SCAI: variants seen among roughly 807,000 people sequenced by gnomAD.
SCAI encodes suppressor of cancer cell invasion.
SCAI carries 24 observed loss-of-function variants against 92.2 expected under a neutral mutation model. That is an observed-to-expected ratio of 0.26 (90% CI 0.19 to 0.37). The LOEUF (loss-of-function observed/expected upper bound fraction) is 0.37, where lower values mean the gene tolerates loss of function less well. Among genes scored for constraint, SCAI ranks in the 10% least tolerant of loss-of-function variants. The pLI is 1.00. For missense variants in SCAI, 450 were observed against 736.2 expected, an observed-to-expected ratio of 0.61 and a Z score of 4.50; for synonymous variants, 261 against 258.6, an observed-to-expected ratio of 1.01 and a Z score of -0.09.
At chr9:124,998,532 A>C (rs1832292490) in intron 13 of SCAI, among the ~76,000 whole-genome samples, 1 of 152,258 alleles carries the variant, frequency 6.6e-6, no homozygotes, top group Non-Finnish European at 1.5e-5. Flanking sequence ...AGATTGTTAA[A>C]GATTAAAAAA....
intron 2 of SCAI, among the ~76,000 whole-genome samples, chr9:125,088,449 C>A (rs1421488833): frequency 6.6e-6 from 1 of 152,136 alleles, no homozygotes; most frequent in African/African-American, 2.4e-5. Context: ...TCTCTTCCTC[C>A]TTCTCCAGCC....
chr9:125,069,379 G>A (rs1833933393), intron 2 of SCAI, among the ~76,000 whole-genome samples: 3 of 148,716 alleles, frequency 2.0e-5, no homozygotes, highest in South Asian at 2.2e-4. Flanking sequence ...GTCCAGTGGC[G>A]TGATCTTGGC....
intron 14 of SCAI, among the ~76,000 whole-genome samples, chr9:124,987,273 C>T (rs1413712855): frequency 3.3e-5 from 5 of 152,174 alleles, no homozygotes; most frequent in Non-Finnish European, 5.9e-5. Flanking sequence ...CCGCCTGCCT[C>T]GGCCTCCCAA....
At chr9:124,963,614 G>A (rs1364475459) in intron 17 of SCAI, among the ~76,000 whole-genome samples, 1 of 151,698 alleles carries the variant, frequency 6.6e-6, no homozygotes, top group Admixed American at 6.6e-5. Flanking sequence ...GGCGGGCATG[G>A]TGGAACATGC....
At chr9:125,006,789 C>T (rs973036864) in intron 9 of SCAI, among the ~76,000 whole-genome samples, 3 of 152,090 alleles carry the variant, frequency 2.0e-5, no homozygotes, top group Admixed American at 6.5e-5. Flanking sequence ...TGCACCTGAC[C>T]TATACTTTTA....
At chr9:125,010,146 C>G (rs113469003) in intron 9 of SCAI, among the ~76,000 whole-genome samples, 1 of 152,168 alleles carries the variant, frequency 6.6e-6, no homozygotes, top group African/African-American at 2.4e-5. Context: ...TCTGAGGTAC[C>G]GGGTTCATCT....
chr9:125,054,053 A>C (rs1833616001), intron 3 of SCAI, among the ~76,000 whole-genome samples: 1 of 152,104 alleles, frequency 6.6e-6, no homozygotes, highest in Non-Finnish European at 1.5e-5. Flanking sequence ...CAGTTCACTG[A>C]AGCCTCGATC....
At chr9:125,107,083 G>A (rs545611531) in intron 2 of SCAI, among the ~76,000 whole-genome samples, 2 of 151,868 alleles carry the variant, frequency 1.3e-5, no homozygotes, top group East Asian at 3.9e-4. Flanking sequence ...TAGGTTTCAA[G>A]AAATGAAAAC....
intron 2 of SCAI, among the ~76,000 whole-genome samples, chr9:125,069,657 C>A (rs1287190346): frequency 2.5e-5 from 3 of 119,192 alleles, no homozygotes; most frequent in Non-Finnish European, 4.9e-5. Context: ...TCGTCTTGCT[C>A]TTGTCACCAA....
intron 2 of SCAI, among the ~76,000 whole-genome samples, chr9:125,141,947 G>A (rs2131280429): frequency 1.3e-5 from 2 of 152,220 alleles, no homozygotes; most frequent in South Asian, 4.1e-4. Flanking sequence ...TTTTGAGGCA[G>A]GGTCTTGCTG....
At chr9:125,084,612 A>C (rs940689089) in intron 2 of SCAI, among the ~76,000 whole-genome samples, 1 of 152,150 alleles carries the variant, frequency 6.6e-6, no homozygotes, top group African/African-American at 2.4e-5. Flanking sequence ...TGGTTCCCCT[A>C]GAGGGGCGGC....
rs1564374471 is a variant in SCAI at position 125,004,750 on chromosome 9, TATATATATATATATATA to T, written c.862-1197_862-1181del. 7.8e-3 allele frequency among the ~76,000 whole-genome samples: 116 copies of T among 14,942 alleles called. 4 individuals carry two copies. The highest frequency in any genetic ancestry group is 0.01 in the Admixed American group (10 of 984). 9.8% of individuals were successfully genotyped at this position (14,942 alleles called of 152,430 possible). ...ACTGTGATCCATATATATATATATATATATATATATATATATATATATATATATATTTTTTTTTTTTT... is the reference window on the plus strand; with the variant it reads ...ACTGTGATCCATATATATATATATATTATATATATATATTTTTTTTTTTTT... On this transcript the variant is annotated intron_variant, in intron 9 of 17. Transcript: ENST00000336505.
chr9:124,970,723 C>CTAAATAAA (rs368859826), intron 17 of SCAI, among the ~76,000 whole-genome samples: 11 of 151,958 alleles, frequency 7.2e-5, no homozygotes, highest in African/African-American at 2.7e-4. Context: ...AACTCCATCT[C>CTAAATAAA]TAAATAAATA....
intron 2 of SCAI, among the ~76,000 whole-genome samples, chr9:125,114,875 G>T (rs1835007886): frequency 6.7e-6 from 1 of 149,150 alleles, no homozygotes; most frequent in African/African-American, 2.5e-5. Context: ...CCAGGTTCAA[G>T]CAATTCTCCT....
rs550062641 is a variant in SCAI at position 125,026,359 on chromosome 9, G to T, written c.512+453C>A. On this transcript the variant is annotated intron_variant, in intron 6 of 17. Coordinates refer to ENST00000336505, the MANE Select transcript of SCAI (RefSeq NM_001144877.3). ...CGCACCACTGCACTCCAGCCTGGGCGACAGAGCAAGACTCCACCTCCAAAA... is the reference window on the plus strand; with the variant it reads ...CGCACCACTGCACTCCAGCCTGGGCTACAGAGCAAGACTCCACCTCCAAAA... Among the ~76,000 whole-genome samples, 329 of 140,988 alleles carry T rather than the reference G, an allele frequency of 2.3e-3. 1 individual carries two copies. The highest frequency in any genetic ancestry group is 4.4e-3 in the Non-Finnish European group (290 of 66,500). The allele number at this position is 140,988 out of a possible 152,430, so 92.5% of individuals were successfully genotyped here.
At chr9:124,960,699 C>T (rs562322838) in intron 17 of SCAI, among the ~76,000 whole-genome samples, 10 of 152,318 alleles carry the variant, frequency 6.6e-5, no homozygotes, top group African/African-American at 2.4e-4. Context: ...ATAGAAGGAA[C>T]AATCTGGAAT....
chr9:125,106,122 AATATATATATATAT>A lies in SCAI; in HGVS notation c.98+36497_98+36510del, dbSNP rs1206665762. Among the ~76,000 whole-genome samples the A allele has an allele frequency of 3.5e-3, 31 of 8,862 alleles. 1 individual carries two copies. Among genetic ancestry groups the A allele is most frequent in the Non-Finnish European group, 4.4e-3 (16 of 3,672 alleles). 5.8% of individuals were successfully genotyped at this position (8,862 alleles called of 152,430 possible). On this transcript the variant is annotated intron_variant, in intron 2 of 17. Coordinates refer to ENST00000336505, the MANE Select transcript of SCAI (RefSeq NM_001144877.3). ...AAAAAAAAAAAAAAAAAAAAAAAAAAATATATATATATATATATATATATATATATATAGTTAAG... is the reference window on the plus strand; with the variant it reads ...AAAAAAAAAAAAAAAAAAAAAAAAAAATATATATATATATATATAGTTAAG...
At chr9:125,041,240 T>A (rs1016071920) in intron 3 of SCAI, among the ~76,000 whole-genome samples, 1 of 152,218 alleles carries the variant, frequency 6.6e-6, no homozygotes, top group Admixed American at 6.5e-5. Flanking sequence ...GTTTCCCACA[T>A]TTATTGTAAG....
At chr9:125,142,458 G>A in intron 2 of SCAI, 175 bp downstream of exon 2, 1 of 540,406 alleles carries the variant, frequency 1.9e-6, no homozygotes, top group Admixed American at 3.5e-5. Context: ...AAAATCGACT[G>A]TAGAGGTAGT....
Sources: allele counts gnomAD v4.1 joint callset (sites outside exome capture counted in the v4.1 genomes callset), GRCh38; gene constraint gnomAD v4.1.1; transcripts MANE v1.5; gene names NCBI Gene and HGNC (gene_info 2026-07-23, HGNC 2026-07-21).